LEMD3: variants seen among roughly 807,000 people sequenced by gnomAD.
LEMD3 encodes the protein inner nuclear membrane protein Man1.
LEMD3 carries 33 observed loss-of-function variants against 95.2 expected under a neutral mutation model. That is an observed-to-expected ratio of 0.35 (90% CI 0.26 to 0.46). The LOEUF (loss-of-function observed/expected upper bound fraction) is 0.46. Ranked by LOEUF, LEMD3 falls within the 20% of genes least tolerant of loss-of-function variation. The pLI, the probability that LEMD3 is intolerant of heterozygous loss-of-function variation, is 1.00. For missense variants in LEMD3, 1,210 were observed against 1,192.8 expected (o/e 1.01, Z -0.21); for synonymous variants, 525 against 474.6 (o/e 1.11, Z -1.38).
At chr12:65,195,268 C>T (rs114360981) in intron 1 of LEMD3, among the ~76,000 whole-genome samples, 2,360 of 151,958 alleles carry the variant, frequency 0.016, 28 homozygotes, top group Middle Eastern at 0.041. Context: ...CAATACCATC[C>T]GGATGTCGAA....
At chr12:65,182,357 C>T (rs1351349222) in intron 1 of LEMD3, among the ~76,000 whole-genome samples, 1 of 151,980 alleles carries the variant, frequency 6.6e-6, no homozygotes. Flanking sequence ...TGTAGAAATG[C>T]TTTGGAGAAA....
At chr12:65,182,896 T>A (rs1868948733) in intron 1 of LEMD3, among the ~76,000 whole-genome samples, 1 of 152,180 alleles carries the variant, frequency 6.6e-6, no homozygotes, top group Non-Finnish European at 1.5e-5. Context: ...TCAGCTAGTT[T>A]GTAAGATACC....
At chr12:65,189,134 T>C (rs1869159024) in intron 1 of LEMD3, among the ~76,000 whole-genome samples, 1 of 152,192 alleles carries the variant, frequency 6.6e-6, no homozygotes, top group Non-Finnish European at 1.5e-5. Flanking sequence ...AGCAATATAC[T>C]AATAAAAGTT....
At chr12:65,173,340 A>G (rs1868615136) in intron 1 of LEMD3, among the ~76,000 whole-genome samples, 1 of 152,204 alleles carries the variant, frequency 6.6e-6, no homozygotes, top group Admixed American at 6.5e-5. Flanking sequence ...TTCAGGTAGA[A>G]TAGGATAGGA....
chr12:65,225,392 A>T (rs1870416701), intron 4 of LEMD3, among the ~76,000 whole-genome samples: 1 of 152,044 alleles, frequency 6.6e-6, no homozygotes, highest in African/African-American at 2.4e-5. Context: ...CTGTGTAGAC[A>T]TTCTGGATTT....
At chr12:65,193,229 T>G (rs1232587638) in intron 1 of LEMD3, among the ~76,000 whole-genome samples, 3 of 152,142 alleles carry the variant, frequency 2.0e-5, no homozygotes, top group Non-Finnish European at 4.4e-5. Flanking sequence ...GTGAAAGCTT[T>G]AAAGCAGGAA....
intron 4 of LEMD3, 51 bp downstream of exon 4, chr12:65,218,670 A>G (rs1310602905): frequency 9.9e-7 from 1 of 1,006,328 alleles, no homozygotes; most frequent in Non-Finnish European, 1.5e-6. Context: ...AAATTATATA[A>G]ATCATTGCTA....
chr12:65,238,827 GATAA>G lies in LEMD3; in HGVS notation c.1921+14_1921+17del. The G allele has an allele frequency of 6.2e-7, 1 of 1,613,598 alleles. No homozygotes were observed. Among genetic ancestry groups the G allele is most frequent in the South Asian group, 1.1e-5 (1 of 91,068 alleles). On this transcript the variant is annotated intron_variant, in intron 6 of 12. Transcript: ENST00000308330. Reference sequence around the variant, plus strand: ...TTGTTATGCTTAGGTAAGTTGTAAAGATAAGAAATGAGATAAATTGCAGCCTGAA... The same window carrying G: ...TTGTTATGCTTAGGTAAGTTGTAAAGGAAATGAGATAAATTGCAGCCTGAA...
Position 65,169,629 on chromosome 12 carries a change from G to A in LEMD3, c.33G>A (p.Gln11=). MAAAAASAPQ[Q]LSDEELFSQL... is the part of the protein sequence containing the mutation. ...CGGCAGCAGCTTCGGCGCCTCAGCA[G>A]CTCTCGGATGAGGAGCTTTTCTCTC... is the stretch of plus-strand genomic sequence containing the variant. Residue 11 remains glutamine, a synonymous_variant, in exon 1 of 13, where the codon CAG becomes CAA. Transcript: ENST00000308330. 2 of 1,589,474 alleles carry A rather than the reference G, an allele frequency of 1.3e-6. No homozygotes were observed. The highest frequency in any genetic ancestry group is 8.5e-7 in the Non-Finnish European group (1 of 1,170,062).
chr12:65,212,050 A>G (rs1320678085), intron 2 of LEMD3, among the ~76,000 whole-genome samples: 1 of 152,182 alleles, frequency 6.6e-6, no homozygotes, highest in East Asian at 1.9e-4. Context: ...TAATTGACTC[A>G]CAGTTCGGCT....
chr12:65,186,413 A>G (rs1869065448), intron 1 of LEMD3, among the ~76,000 whole-genome samples: 1 of 152,070 alleles, frequency 6.6e-6, no homozygotes, highest in African/African-American at 2.4e-5. Context: ...AAATTATATT[A>G]ATGCCATCTT....
intron 1 of LEMD3, among the ~76,000 whole-genome samples, chr12:65,174,650 GTGTGTGTGTA>G (rs1868659616): frequency 6.6e-6 from 1 of 152,172 alleles, no homozygotes; most frequent in Admixed American, 6.5e-5. Context: ...ATCTCTGTGT[GTGTGTGTGTA>G]TGTGTGTGTG....
At chr12:65,226,704 A>G (rs1870457774) in intron 4 of LEMD3, among the ~76,000 whole-genome samples, 3 of 152,212 alleles carry the variant, frequency 2.0e-5, no homozygotes, top group African/African-American at 7.2e-5. Context: ...TGCCAGTAGA[A>G]GCTATTACAT....
At chr12:65,193,745 T>C (rs1339523636) in intron 1 of LEMD3, among the ~76,000 whole-genome samples, 3 of 139,060 alleles carry the variant, frequency 2.2e-5, no homozygotes, top group African/African-American at 7.6e-5. Context: ...TGTGTGTGTG[T>C]GTGTGTGTGT....
At chr12:65,213,895 C>A (rs538727809) in intron 2 of LEMD3, among the ~76,000 whole-genome samples, 51 of 152,260 alleles carry the variant, frequency 3.3e-4, no homozygotes, top group African/African-American at 1.2e-3. Flanking sequence ...CTTTCCATTG[C>A]TTTAATCCCA....
At chr12:65,191,188 C>G (rs573075584) in intron 1 of LEMD3, among the ~76,000 whole-genome samples, 1 of 152,012 alleles carries the variant, frequency 6.6e-6, no homozygotes, top group South Asian at 2.1e-4. Context: ...TTCAGAGTCT[C>G]TTCCATGAAT....
chr12:65,243,744 C>T (rs1871004095), intron 10 of LEMD3, among the ~76,000 whole-genome samples: 1 of 152,156 alleles, frequency 6.6e-6, no homozygotes, highest in Admixed American at 6.5e-5. Flanking sequence ...ATTAATGACT[C>T]ACAATGACAA....
chr12:65,189,539 G>A (rs567372339), intron 1 of LEMD3, among the ~76,000 whole-genome samples: 12 of 152,176 alleles, frequency 7.9e-5, no homozygotes, highest in South Asian at 2.1e-4. Flanking sequence ...CCTGTAGGGC[G>A]TCAGAAACCA....
chr12:65,236,900 TATG>T lies in LEMD3; in HGVS notation c.1696-1599_1696-1597del, dbSNP rs1870790554. Among the ~76,000 whole-genome samples, 3 of 152,126 alleles carry T rather than the reference TATG, an allele frequency of 2.0e-5. No individual in the cohort carries two copies. In the South Asian group the frequency reaches 6.2e-4, roughly 32 times the overall value. On this transcript the variant is annotated intron_variant, in intron 4 of 12. Coordinates refer to ENST00000308330, the MANE Select transcript of LEMD3 (RefSeq NM_014319.5). ...ACAAGTAGAACAGTAGTATGTGTAA[TATG>T]ATACCACATTTATTTTTACTATTTT...
Sources: gnomAD v4.1 joint callset for allele counts (sites outside exome capture counted in the v4.1 genomes callset) on GRCh38, gnomAD v4.1.1 for gene constraint, MANE v1.5 for transcripts, NCBI Gene and HGNC (gene_info 2026-07-23, HGNC 2026-07-21) for gene names.